ARID2: variants seen among roughly 807,000 people sequenced by gnomAD.
ARID2 encodes AT-rich interaction domain 2, also known as AT-rich interactive domain-containing protein 2.
In ARID2, 32 loss-of-function variants were observed where a neutral mutation model predicts 184.6. That is an observed-to-expected ratio of 0.17 (90% CI 0.13 to 0.23). ARID2 has a LOEUF of 0.23. ARID2 is among the 10% of genes least tolerant of loss of function. The pLI, the probability that ARID2 is intolerant of heterozygous loss-of-function variation, is 1.00. For synonymous variants in ARID2, 836 were observed against 772.6 expected (o/e 1.08, Z -1.36); for missense variants, 1,696 against 2,197.6 (o/e 0.77, Z 4.56).
chr12:45,835,612 G>A (rs191790680), intron 6 of ARID2, among the ~76,000 whole-genome samples: 1 of 152,072 alleles, frequency 6.6e-6, no homozygotes, highest in African/African-American at 2.4e-5. Context: ...AGAAATGTCA[G>A]ATTTCCAGGC....
chr12:45,852,304 A>C lies in ARID2; in HGVS notation c.4181A>C (p.Glu1394Ala), dbSNP rs1404131372. 5.0e-6 allele frequency: 8 copies of C among 1,614,030 alleles called. No homozygotes were observed. The highest frequency in any genetic ancestry group is 6.8e-6 in the Non-Finnish European group (8 of 1,180,008). ...HVGNGEISPM[E>A]PQGTLDITQQ... Reference sequence around the variant, plus strand: ...GGAAATGGTGAGATATCTCCAATGGAACCACAAGGGACTTTAGATATCACT... The same window carrying C: ...GGAAATGGTGAGATATCTCCAATGGCACCACAAGGGACTTTAGATATCACT... The change falls in exon 15 of 21, where the codon GAA (glutamate) becomes GCA (alanine). Residue 1394 changes from glutamate to alanine, a missense_variant. By Grantham distance (107) the Glu-to-Ala change is moderately radical. Transcript: ENST00000334344.
Position 45,849,510 on chromosome 12 carries a change from C to A in ARID2, c.1716-70C>A, listed in dbSNP as rs1178077689. The A allele has an allele frequency of 8.0e-6, 10 of 1,253,722 alleles. No homozygotes were observed. The South Asian group carries it at 1.6e-4, about 20-fold the overall frequency. The allele number at this position is 1,253,722 out of a possible 1,614,324, so 77.7% of individuals were successfully genotyped here. ...CAACAGTAAACATACTGCTGTTGTT[C>A]ATGTAAACATAATGTTAGAAGTCAA... On this transcript the variant is annotated intron_variant, in intron 13 of 20. Transcript: ENST00000334344.
chr12:45,787,939 A>T (rs1403553589), intron 3 of ARID2, among the ~76,000 whole-genome samples: 4 of 152,178 alleles, frequency 2.6e-5, no homozygotes, highest in Non-Finnish European at 1.5e-5. Context: ...TCTGGCAAGC[A>T]TTCATAGGGC....
At chr12:45,867,961 T>A (rs1278589306) in intron 16 of ARID2, among the ~76,000 whole-genome samples, 1 of 152,174 alleles carries the variant, frequency 6.6e-6, no homozygotes, top group Non-Finnish European at 1.5e-5. Flanking sequence ...AATAGTTTTA[T>A]TGCCCTAAAA....
intron 6 of ARID2, among the ~76,000 whole-genome samples, chr12:45,826,508 C>T (rs1443605651): frequency 1.3e-5 from 2 of 152,008 alleles, no homozygotes; most frequent in Admixed American, 6.6e-5. Context: ...GCAATGTCCT[C>T]GGCCCAAGGG....
intron 3 of ARID2, among the ~76,000 whole-genome samples, chr12:45,741,758 T>A (rs1941262615): frequency 6.6e-6 from 1 of 152,176 alleles, no homozygotes; most frequent in South Asian, 2.1e-4. Context: ...ATCATCTATT[T>A]CTCTGAAAAT....
chr12:45,904,528 T>G (rs1944496240), intron 20 of ARID2: 5 of 439,592 alleles, frequency 1.1e-5, no homozygotes, highest in Non-Finnish European at 2.0e-5. Context: ...CCGTCTCTAC[T>G]AAAAATACAA....
intron 3 of ARID2, among the ~76,000 whole-genome samples, chr12:45,771,728 C>T (rs1941881874): frequency 6.6e-6 from 1 of 151,524 alleles, no homozygotes; most frequent in Non-Finnish European, 1.5e-5. Context: ...GGACCATATA[C>T]ATTAAAATGC....
At chr12:45,816,746 T>C (rs1378619220) in intron 4 of ARID2, among the ~76,000 whole-genome samples, 1 of 152,226 alleles carries the variant, frequency 6.6e-6, no homozygotes, top group Admixed American at 6.5e-5. Flanking sequence ...CTTATCAACA[T>C]GGATATGAAT....
At chr12:45,871,694 C>T (rs1943928664) in intron 16 of ARID2, among the ~76,000 whole-genome samples, 1 of 152,036 alleles carries the variant, frequency 6.6e-6, no homozygotes, top group Non-Finnish European at 1.5e-5. Context: ...TATATCATTC[C>T]TTCCTTTAAT....
At position 45,907,648 on chromosome 12, in the gene ARID2, C is replaced by A. The variant is rs886723303; in HGVS notation, c.*2570C>A. On this transcript the variant is annotated 3_prime_UTR_variant, in exon 21 of 21. Coordinates refer to ENST00000334344, the MANE Select transcript of ARID2 (RefSeq NM_152641.4). Reference sequence around the variant, plus strand: ...CTTTTGCACAATAAGTTCTGCAAAACCCTCTCATTCATGAAAAGGTGCTCC... The same window carrying A: ...CTTTTGCACAATAAGTTCTGCAAAAACCTCTCATTCATGAAAAGGTGCTCC... The A allele has an allele frequency of 4.3e-6, 1 of 233,018 alleles. No individual in the cohort carries two copies. The highest frequency in any genetic ancestry group is 2.2e-5 in the African/African-American group (1 of 45,320). 14.4% of individuals were successfully genotyped at this position (233,018 alleles called of 1,614,324 possible).
At chr12:45,756,586 G>A (rs1941576394) in intron 3 of ARID2, among the ~76,000 whole-genome samples, 1 of 152,204 alleles carries the variant, frequency 6.6e-6, no homozygotes, top group South Asian at 2.1e-4. Flanking sequence ...ATTCTCAAAT[G>A]ATGAAAATCC....
rs576684906 is a variant in ARID2, at chr12:45,907,420, T to C, written c.*2342T>C. Reference sequence around the variant, plus strand: ...TCATATTCACCATTCTTCCACCTCATTGAATTGCATGCTGTAGTTCTAGCT... The same window carrying C: ...TCATATTCACCATTCTTCCACCTCACTGAATTGCATGCTGTAGTTCTAGCT... On this transcript the variant is annotated 3_prime_UTR_variant, in exon 21 of 21. Coordinates refer to ENST00000334344, the MANE Select transcript of ARID2 (RefSeq NM_152641.4). 2 of 233,388 alleles carry C rather than the reference T, an allele frequency of 8.6e-6. No homozygotes were observed. The highest frequency in any genetic ancestry group is 3.6e-4 in the South Asian group (2 of 5,532). 14.5% of individuals were successfully genotyped at this position (233,388 alleles called of 1,614,324 possible). A position where few individuals can be genotyped will look rare whatever the true frequency, so the allele number is the denominator to read the frequency against.
chr12:45,839,484 G>C lies in ARID2; in HGVS notation c.1486G>C (p.Ala496Pro), dbSNP rs1178169227. ...GCAAGTCCAAACCCAGACTCATGTA[G>C]CATCTGCCCCAGGTTAGTGTTTTCA... ...IEQVQTQTHV[A>P]SAPASRAVVA... The change falls in exon 11 of 21, where the codon GCA becomes CCA. Residue 496 changes from alanine (A) to proline (P), a missense_variant. By Grantham distance (27) the Ala-to-Pro change is conservative (BLOSUM62 -1). Coordinates refer to ENST00000334344, the MANE Select transcript of ARID2 (RefSeq NM_152641.4). 1 of 1,611,926 alleles carries C rather than the reference G, an allele frequency of 6.2e-7. No individual in the cohort carries two copies. Among genetic ancestry groups the C allele is most frequent in the Admixed American group, 1.7e-5 (1 of 59,416 alleles).
chr12:45,850,492 C>G lies in ARID2; in HGVS notation c.2369C>G (p.Thr790Arg), dbSNP rs758654990. ...CAGATCCCTTCAGGCACTCCTGTTACAGTAATTCAACAAGCTGTCCCACAG... is the reference window on the plus strand; with the variant it reads ...CAGATCCCTTCAGGCACTCCTGTTAGAGTAATTCAACAAGCTGTCCCACAG... The part of the protein sequence containing the change: ...PGQIPSGTPV[T>R]VIQQAVPQSH... Residue 790 changes from threonine to arginine, a missense_variant, in exon 15 of 21, where the codon ACA (threonine) becomes AGA (arginine). Coordinates refer to ENST00000334344, the MANE Select transcript of ARID2 (RefSeq NM_152641.4). The G allele has an allele frequency of 1.9e-6, 3 of 1,614,012 alleles. No individual in the cohort carries two copies. Among genetic ancestry groups the G allele is most frequent in the Admixed American group, 1.7e-5 (1 of 59,994 alleles).
At chr12:45,884,604 G>A (rs887959555) in intron 16 of ARID2, among the ~76,000 whole-genome samples, 8 of 152,142 alleles carry the variant, frequency 5.3e-5, no homozygotes, top group African/African-American at 7.2e-5. Context: ...TTCACAGACC[G>A]GCGGGTTAAT....
chr12:45,805,691 C>A (rs1292474931), intron 3 of ARID2, among the ~76,000 whole-genome samples: 1 of 152,036 alleles, frequency 6.6e-6, no homozygotes, highest in Non-Finnish European at 1.5e-5. Flanking sequence ...GTTTGGTATA[C>A]ATGTTTTGTG....
chr12:45,850,990 C>G lies in ARID2; in HGVS notation c.2867C>G (p.Ala956Gly), dbSNP rs2138166811. 1 of 1,614,176 alleles carries G rather than the reference C, an allele frequency of 6.2e-7. No homozygotes were observed. The highest frequency in any genetic ancestry group is 8.5e-7 in the Non-Finnish European group (1 of 1,180,026). Residue 956 changes from alanine (A) to glycine (G), a missense_variant, in exon 15 of 21, where the codon GCT becomes GGT. By Grantham distance (60) the Ala-to-Gly change is moderately conservative. Coordinates refer to ENST00000334344, the MANE Select transcript of ARID2 (RefSeq NM_152641.4). ...CTTGCTAATCCAGCAGCTCTTCCAG[C>G]TGGTCAGACAGTTCAGCTAACTGGA... ...IVLANPAALP[A>G]GQTVQLTGQP...
At chr12:45,862,488 T>C (rs1204313714) in intron 16 of ARID2, among the ~76,000 whole-genome samples, 3 of 152,312 alleles carry the variant, frequency 2.0e-5, no homozygotes, top group South Asian at 2.1e-4. Context: ...TTTTGTTTTT[T>C]TCATGGCAAA....
Sources: gnomAD v4.1 joint callset for allele counts (sites outside exome capture counted in the v4.1 genomes callset) on GRCh38, gnomAD v4.1.1 for gene constraint, MANE v1.5 for transcripts, NCBI Gene and HGNC (gene_info 2026-07-23, HGNC 2026-07-21) for gene names.